The following STK3 variants were observed in gnomAD, a reference collection of about 807,000 sequenced individuals.
The protein encoded by STK3 is serine/threonine-protein kinase 3.
Under a neutral mutation model 58.0 loss-of-function variants are expected in STK3, and 41 were observed. The observed-to-expected ratio is 0.71, with a 90% confidence interval of 0.55 to 0.92. STK3 has a LOEUF of 0.92. STK3 is among the 40% of genes least tolerant of loss of function. The probability of loss-of-function intolerance (pLI) is 0.00; values close to 1 mark genes in which losing one functional copy is unlikely to be tolerated. For missense variants in STK3, 479 were observed against 602.7 expected (o/e 0.79, Z 2.15); for synonymous variants, 170 against 191.0 (o/e 0.89, Z 0.91).
intron 6 of STK3, among the ~76,000 whole-genome samples, chr8:98,679,447 C>T (rs1181718326): frequency 6.6e-6 from 1 of 152,128 alleles, no homozygotes; most frequent in African/African-American, 2.4e-5. Context: ...AACCACTCCA[C>T]CCTACCCTTG....
rs1265786692 is a variant in STK3, at chr8:98,455,557, TTAGAGACCTTGAAAATC to T, written c.*268_*284del. The T allele has an allele frequency of 2.4e-6, 1 of 408,452 alleles. No individual in the cohort carries two copies. The highest frequency in any genetic ancestry group is 5.1e-5 in the East Asian group (1 of 19,780). 25.3% of individuals were successfully genotyped at this position (408,452 alleles called of 1,614,324 possible). ...AACAATAGCTTTGGATTTTCAAGGT[TTAGAGACCTTGAAAATC>T]CATTTCATAACAGTTTTATTACTGG... On this transcript the variant is annotated 3_prime_UTR_variant, in exon 11 of 11. Transcript: ENST00000419617.
chr8:98,367,711 C>T (rs988697158), downstream of STK3, among the ~76,000 whole-genome samples: 3 of 152,302 alleles, frequency 2.0e-5, no homozygotes, highest in Middle Eastern at 3.4e-3. Flanking sequence ...CAACTGTAGA[C>T]CTCCCTCAGA....
At chr8:98,916,030 A>AT (rs112728321) in intron 1 of STK3, among the ~76,000 whole-genome samples, 9 of 151,610 alleles carry the variant, frequency 5.9e-5, no homozygotes, top group East Asian at 1.9e-4. Context: ...TCTCAAATGC[A>AT]TTTTTTTTTC....
intron 6 of STK3, among the ~76,000 whole-genome samples, chr8:98,635,261 C>T (rs2130552621): frequency 6.6e-6 from 1 of 152,206 alleles, no homozygotes; most frequent in South Asian, 2.1e-4. Context: ...TTCATGTTAT[C>T]ATATGTTGTA....
chr8:98,929,127 ATGGTGGCAG>A (rs1839916248), intron 1 of STK3, among the ~76,000 whole-genome samples: 1 of 152,160 alleles, frequency 6.6e-6, no homozygotes, highest in East Asian at 1.9e-4. Context: ...TTAGCCAGGC[ATGGTGGCAG>A]ATGCCTGTAA....
intron 1 of STK3, among the ~76,000 whole-genome samples, chr8:98,794,315 A>T (rs1329863928): frequency 6.6e-6 from 1 of 152,184 alleles, no homozygotes; most frequent in African/African-American, 2.4e-5. Flanking sequence ...CCAAATAAGC[A>T]CAATCAAAAT....
chr8:98,385,740 C>A (rs57546453), intron 1 of STK3, among the ~76,000 whole-genome samples: 11,390 of 152,096 alleles, frequency 0.075, 1,025 homozygotes, highest in African/African-American at 0.18. Context: ...TGTGTGCCCC[C>A]CACACCCTGA....
chr8:98,477,365 A>C (rs2131257946), intron 10 of STK3, among the ~76,000 whole-genome samples: 1 of 152,142 alleles, frequency 6.6e-6, no homozygotes, highest in Middle Eastern at 3.4e-3. Context: ...GGCCTAGCTG[A>C]AATACCCCAA....
At chr8:98,619,784 T>A (rs1818102738) in intron 6 of STK3, among the ~76,000 whole-genome samples, 1 of 143,784 alleles carries the variant, frequency 7.0e-6, no homozygotes, top group South Asian at 2.4e-4. Context: ...TCACACCAGT[T>A]AGAATGGCAA....
At chr8:98,754,470 G>C (rs1830168082) in intron 3 of STK3, among the ~76,000 whole-genome samples, 1 of 150,888 alleles carries the variant, frequency 6.6e-6, no homozygotes, top group Non-Finnish European at 1.5e-5. Context: ...CCAGTGAATA[G>C]ACTGTATATC....
intron 1 of STK3, 123 bp downstream of exon 1, chr8:98,825,392 C>T: frequency 1.1e-6 from 1 of 926,644 alleles, no homozygotes; most frequent in Non-Finnish European, 1.4e-6. Context: ...CTCCCGACCT[C>T]AGCGCGCCCG....
intron 4 of STK3, among the ~76,000 whole-genome samples, chr8:98,711,061 G>A (rs754703269): frequency 6.6e-6 from 1 of 152,172 alleles, no homozygotes; most frequent in South Asian, 2.1e-4. Context: ...AACTCCAACA[G>A]ACCTGCAGCT....
At chr8:98,760,240 C>G (rs1169140312) in intron 3 of STK3, among the ~76,000 whole-genome samples, 2 of 152,142 alleles carry the variant, frequency 1.3e-5, no homozygotes, top group Admixed American at 1.3e-4. Flanking sequence ...CTCTTGGGCT[C>G]AAGTGATCCT....
At chr8:98,544,938 CA>C (rs1159709841) in intron 9 of STK3, among the ~76,000 whole-genome samples, 3 of 152,076 alleles carry the variant, frequency 2.0e-5, no homozygotes, top group Non-Finnish European at 2.9e-5. Flanking sequence ...CCAATCTAGC[CA>C]CAGCTCTGTA....
chr8:98,711,869 A>C (rs1436355822), intron 4 of STK3, among the ~76,000 whole-genome samples: 2 of 152,204 alleles, frequency 1.3e-5, no homozygotes, highest in African/African-American at 4.8e-5. Context: ...AAAAAATGTT[A>C]ACAGTAGCCA....
chr8:98,366,078 A>G, the STK3 span, among the ~76,000 whole-genome samples: 2 of 152,198 alleles, frequency 1.3e-5, no homozygotes, highest in African/African-American at 2.4e-5. Context: ...GATGTTACCA[A>G]AATTGTTCTC....
At chr8:98,483,741 A>G (rs1446587964) in intron 10 of STK3, among the ~76,000 whole-genome samples, 1 of 152,212 alleles carries the variant, frequency 6.6e-6, no homozygotes, top group African/African-American at 2.4e-5. Context: ...TAAAAAAGAT[A>G]AGGAAGTAAA....
rs548093573 is a variant in STK3 at position 98,933,141 on chromosome 8, T to C, written c.-79+9237A>G. 3.3e-4 allele frequency among the ~76,000 whole-genome samples: 51 copies of C among 152,324 alleles called. No homozygotes were observed. In the East Asian group the frequency reaches 8.9e-3, roughly 27 times the overall value. On this transcript the variant is annotated intron_variant, in intron 1 of 1. Transcript: ENST00000519420. ...TTTTCTAACTCTGCAGGTTATTAGGTATTGTATTCTAAAGAGTCAGCATGA... is the reference window on the plus strand; with the variant it reads ...TTTTCTAACTCTGCAGGTTATTAGGCATTGTATTCTAAAGAGTCAGCATGA...
intron 9 of STK3, among the ~76,000 whole-genome samples, chr8:98,546,922 G>A (rs1309897415): frequency 1.3e-5 from 2 of 152,142 alleles, no homozygotes; most frequent in Admixed American, 1.3e-4. Context: ...TAGGGAATGT[G>A]AAGAAAGCAG....
Sources: gnomAD v4.1 joint callset for allele counts (sites outside exome capture counted in the v4.1 genomes callset) on GRCh38, gnomAD v4.1.1 for gene constraint, MANE v1.5 for transcripts, NCBI Gene and HGNC (gene_info 2026-07-23, HGNC 2026-07-21) for gene names.